SHB: variants seen among roughly 807,000 people sequenced by gnomAD.
The protein encoded by SHB is SH2 domain containing adaptor protein B, also known as SH2 domain-containing adapter protein B.
Under a neutral mutation model 52.3 loss-of-function variants are expected in SHB, and 20 were observed. The ratio of observed to expected loss-of-function variants is 0.38; its 90% confidence interval spans 0.27 to 0.56. The LOEUF is 0.56. Ranked by LOEUF, SHB falls within the 20% of genes least tolerant of loss-of-function variation. The probability of loss-of-function intolerance (pLI) is 0.71; values close to 1 mark genes in which losing one functional copy is unlikely to be tolerated. For synonymous variants in SHB, 397 were observed against 316.5 expected, an observed-to-expected ratio of 1.25 and a Z score of -2.70; for missense variants, 825 against 723.3, an observed-to-expected ratio of 1.14 and a Z score of -1.61.
At chr9:37,923,897 C>G (rs1042677570) in intron 5 of SHB, among the ~76,000 whole-genome samples, 1 of 152,186 alleles carries the variant, frequency 6.6e-6, no homozygotes, top group African/African-American at 2.4e-5. Context: ...CCCCGCATCC[C>G]GAGCCAGCTG....
chr9:37,935,370 G>C (rs573740779), intron 5 of SHB, among the ~76,000 whole-genome samples: 4 of 152,320 alleles, frequency 2.6e-5, no homozygotes, highest in African/African-American at 7.2e-5. Flanking sequence ...TTCGGCCTCG[G>C]TGGGGCATAC....
intron 2 of SHB, among the ~76,000 whole-genome samples, chr9:38,001,235 G>A (rs1322634817): frequency 6.6e-6 from 1 of 152,182 alleles, no homozygotes; most frequent in African/African-American, 2.4e-5. Context: ...CCTTAGGTAG[G>A]CAACTCTGAA....
At chr9:37,946,606 G>A (rs1587204867) in intron 5 of SHB, among the ~76,000 whole-genome samples, 1 of 152,294 alleles carries the variant, frequency 6.6e-6, no homozygotes, top group African/African-American at 2.4e-5. Flanking sequence ...TTAGTTCAAG[G>A]GCTCAGTACT....
intron 3 of SHB, among the ~76,000 whole-genome samples, chr9:37,967,591 A>G (rs1820541249): frequency 6.6e-6 from 1 of 152,208 alleles, no homozygotes; most frequent in African/African-American, 2.4e-5. Context: ...TCCCAACCCC[A>G]CACCTAATAC....
At chr9:37,935,114 G>A (rs750712772) in intron 5 of SHB, among the ~76,000 whole-genome samples, 20 of 152,182 alleles carry the variant, frequency 1.3e-4, no homozygotes, top group East Asian at 3.9e-4. Context: ...GGAGTTATGC[G>A]AATATTTGGA....
chr9:37,962,244 C>T (rs549812128), intron 3 of SHB, among the ~76,000 whole-genome samples: 3 of 152,304 alleles, frequency 2.0e-5, no homozygotes, highest in Admixed American at 1.3e-4. Flanking sequence ...TCAGAAACCA[C>T]CCCTTTTTCT....
chr9:38,021,685 A>T (rs1325274465), intron 1 of SHB, among the ~76,000 whole-genome samples: 1 of 151,684 alleles, frequency 6.6e-6, no homozygotes, highest in Non-Finnish European at 1.5e-5. Context: ...AAAAAAAAAA[A>T]GAATGATGAG....
intron 2 of SHB, among the ~76,000 whole-genome samples, chr9:38,003,896 A>G (rs1041093848): frequency 9.2e-5 from 14 of 152,164 alleles, no homozygotes; most frequent in Admixed American, 7.2e-4. Context: ...CTGGTTCCCA[A>G]TTGTGTGGGG....
chr9:37,933,116 C>T (rs764214381), intron 5 of SHB, among the ~76,000 whole-genome samples: 5 of 152,294 alleles, frequency 3.3e-5, no homozygotes, highest in South Asian at 2.1e-4. Context: ...TCAAAGGCAT[C>T]GGGTTGACTG....
In SHB at chr9:38,044,800, C is replaced by T. The variant is rs960787919; in HGVS notation, c.717+23129G>A. Among the ~76,000 whole-genome samples, 6 of 152,248 alleles carry T rather than the reference C, an allele frequency of 3.9e-5. No individual in the cohort carries two copies. The East Asian group carries it at 1.2e-3, about 29-fold the overall frequency. ...AACCTCTCTGAGATCACTTATCTGA[C>T]AAGCACTCCTGCATCCACTCTGGGG... On this transcript the variant is annotated intron_variant, in intron 1 of 5. Transcript: ENST00000377707.
chr9:38,067,917 G>C lies in SHB; in HGVS notation c.717+12C>G. ...CTCTGGAACCTCGGGAAGAGGCCAAGGGGCACCTTACCTTGTCCTTCTTGC... is the reference window on the plus strand; with the variant it reads ...CTCTGGAACCTCGGGAAGAGGCCAACGGGCACCTTACCTTGTCCTTCTTGC... On this transcript the variant is annotated intron_variant, in intron 1 of 5. Transcript: ENST00000377707. The C allele has an allele frequency of 6.7e-7, 1 of 1,493,568 alleles. No homozygotes were observed. 92.5% of individuals were successfully genotyped at this position (1,493,568 alleles called of 1,614,324 possible).
intron 2 of SHB, among the ~76,000 whole-genome samples, chr9:38,013,588 AG>A (rs943206614): frequency 6.6e-6 from 1 of 152,236 alleles, no homozygotes; most frequent in Non-Finnish European, 1.5e-5. Flanking sequence ...TGGGCAACAG[AG>A]GAAGACCCTG....
In SHB at chr9:37,971,841, T is replaced by C. The variant is rs1301613925; in HGVS notation, c.1054+2781A>G. Among the ~76,000 whole-genome samples, 3 of 152,252 alleles carry C rather than the reference T, an allele frequency of 2.0e-5. No homozygotes were observed. In the East Asian group the frequency reaches 5.8e-4, roughly 29 times the overall value. ...TGAACAACTAAATGTACAGGAGTTC[T>C]AAAACCACCTTTGGGCAGAAGTGGG... On this transcript the variant is annotated intron_variant, in intron 3 of 5. Coordinates refer to ENST00000377707, the MANE Select transcript of SHB (RefSeq NM_003028.3).
At chr9:38,059,474 A>C (rs1821864454) in intron 1 of SHB, among the ~76,000 whole-genome samples, 1 of 152,188 alleles carries the variant, frequency 6.6e-6, no homozygotes, top group Non-Finnish European at 1.5e-5. Flanking sequence ...TTTAGAGGAA[A>C]ATTCAGTTCT....
At chr9:38,006,287 G>A (rs1031268346) in intron 2 of SHB, among the ~76,000 whole-genome samples, 10 of 152,150 alleles carry the variant, frequency 6.6e-5, no homozygotes, top group African/African-American at 1.2e-4. Context: ...CTTGCTAGGC[G>A]CTGCAAGATT....
intron 1 of SHB, among the ~76,000 whole-genome samples, chr9:38,044,253 A>G: frequency 6.6e-6 from 1 of 152,244 alleles, no homozygotes; most frequent in East Asian, 1.9e-4. Flanking sequence ...CCCTCCCTGC[A>G]CAAACCTGTC....
At chr9:37,948,241 A>C (rs6476665) in intron 5 of SHB, among the ~76,000 whole-genome samples, 18,636 of 151,652 alleles carry the variant, frequency 0.12, 1,147 homozygotes, top group African/African-American at 0.15. Flanking sequence ...AGCCACACCC[A>C]CCTCCGTGAA....
intron 5 of SHB, among the ~76,000 whole-genome samples, chr9:37,948,238 C>G (rs1832516734): frequency 6.6e-6 from 1 of 152,172 alleles, no homozygotes; most frequent in African/African-American, 2.4e-5. Flanking sequence ...GCCAGCCACA[C>G]CCACCTCCGT....
rs1554702679 is a variant in SHB at position 37,982,977 on chromosome 9, C to CCCCG, written c.839-8141_839-8140insCGGG. Among the ~76,000 whole-genome samples, 4 of 145,820 alleles carry CCCCG rather than the reference C, an allele frequency of 2.7e-5. No homozygotes were observed. The South Asian group carries it at 6.5e-4, about 24-fold the overall frequency. ...AAATCAGCAGGCCTCTCTGGTGCCC[C>CCCCG]CCCCTCCATCTTTTCCAGCTGTGCT... On this transcript the variant is annotated intron_variant, in intron 2 of 5. Coordinates refer to ENST00000377707, the MANE Select transcript of SHB (RefSeq NM_003028.3).
Sources: allele counts gnomAD v4.1 joint callset (sites outside exome capture counted in the v4.1 genomes callset), GRCh38; gene constraint gnomAD v4.1.1; transcripts MANE v1.5; gene names NCBI Gene and HGNC (gene_info 2026-07-23, HGNC 2026-07-21).